Variants in RFX7 observed in about 807,000 individuals in gnomAD.
RFX7 encodes DNA-binding protein RFX7.
In RFX7, 26 loss-of-function variants were observed where a neutral mutation model predicts 111.8. The ratio of observed to expected loss-of-function variants is 0.23; its 90% CI spans 0.17 to 0.32. The LOEUF (loss-of-function observed/expected upper bound fraction) is 0.32. Among genes scored for constraint, RFX7 ranks in the 10% least tolerant of loss-of-function variants. The probability of loss-of-function intolerance (pLI) is 1.00; values close to 1 mark genes in which losing one functional copy is unlikely to be tolerated. For missense variants in RFX7, 1,573 were observed against 1,772.9 expected, an observed-to-expected ratio of 0.89 and a Z score of 2.02; for synonymous variants, 624 against 624.4, an observed-to-expected ratio of 1.00 and a Z score of 0.01.
At chr15:56,192,607 C>T (rs1479600627) in intron 2 of RFX7, 1 of 173,426 alleles carries the variant, frequency 5.8e-6, no homozygotes, top group Non-Finnish European at 1.3e-5. Context: ...CTGACTGCTT[C>T]CATGAGGTGT....
chr15:56,164,709 AT>A (rs1184671179), intron 3 of RFX7, among the ~76,000 whole-genome samples: 15 of 151,706 alleles, frequency 9.9e-5, no homozygotes, highest in Admixed American at 9.2e-4. Context: ...CTCTGCCGCG[AT>A]TTTTTTTCTT....
At chr15:56,192,486 G>A (rs528676099) in intron 2 of RFX7, 1 of 185,774 alleles carries the variant, frequency 5.4e-6, no homozygotes, top group Non-Finnish European at 1.2e-5. Flanking sequence ...GAACTGCACA[G>A]AATCCAGCCC....
intron 5 of RFX7, among the ~76,000 whole-genome samples, chr15:56,136,960 A>T (rs1286597368): frequency 6.7e-6 from 1 of 150,088 alleles, no homozygotes; most frequent in East Asian, 2.0e-4. Flanking sequence ...CATCCCAGGG[A>T]TGAAGCCCAC....
At chr15:56,125,575 T>C (rs1269682601) in intron 5 of RFX7, among the ~76,000 whole-genome samples, 1 of 151,130 alleles carries the variant, frequency 6.6e-6, no homozygotes, top group African/African-American at 2.4e-5. Flanking sequence ...GCATCCTTGG[T>C]TAAGCGTATT....
intron 5 of RFX7, among the ~76,000 whole-genome samples, chr15:56,128,826 TATA>T (rs2042177181): frequency 6.6e-6 from 1 of 151,990 alleles, no homozygotes; most frequent in Non-Finnish European, 1.5e-5. Context: ...CACTAAACCC[TATA>T]ATTAGAGCTA....
chr15:56,139,612 T>A (rs374554256), intron 5 of RFX7, among the ~76,000 whole-genome samples: 1 of 152,254 alleles, frequency 6.6e-6, no homozygotes, highest in Non-Finnish European at 1.5e-5. Context: ...TTCTTCTCTC[T>A]GCTCCTCAAA....
At chr15:56,105,618 CTGTGTTTCAGATTTTGAT>C (rs1229025043) in intron 5 of RFX7, among the ~76,000 whole-genome samples, 1 of 151,982 alleles carries the variant, frequency 6.6e-6, no homozygotes, top group Non-Finnish European at 1.5e-5. Flanking sequence ...TATTCTCCAT[CTGTGTTTCAGATTTTGAT>C]TTTTTTTTTC....
At chr15:56,160,245 T>C (rs1595977389) in intron 3 of RFX7, among the ~76,000 whole-genome samples, 1 of 152,142 alleles carries the variant, frequency 6.6e-6, no homozygotes, top group African/African-American at 2.4e-5. Context: ...TCCAAAGTAC[T>C]GGCCAGGTTG....
chr15:56,220,171 T>C (rs1351822994), intron 2 of RFX7, among the ~76,000 whole-genome samples: 1 of 152,204 alleles, frequency 6.6e-6, no homozygotes, highest in Non-Finnish European at 1.5e-5. Flanking sequence ...GCCATGTGAA[T>C]GTCTTCTTTT....
rs569414288 is a variant in RFX7, at chr15:56,148,424, C to T, written c.196-3941G>A. 2.0e-5 allele frequency among the ~76,000 whole-genome samples: 3 copies of T among 152,212 alleles called. No homozygotes were observed. In the East Asian group the frequency reaches 5.8e-4, roughly 29 times the overall value. On this transcript the variant is annotated intron_variant, in intron 3 of 9. Coordinates refer to ENST00000559447, the MANE Select transcript of RFX7 (RefSeq NM_022841.7). ...CCTTTCACATTCTGGACAGAAAAGCCTGTAGCAAACAATCAGATTCAACAT... is the reference window on the plus strand; with the variant it reads ...CCTTTCACATTCTGGACAGAAAAGCTTGTAGCAAACAATCAGATTCAACAT...
At chr15:56,125,512 CTTCT>C (rs1321075460) in intron 5 of RFX7, among the ~76,000 whole-genome samples, 1 of 151,588 alleles carries the variant, frequency 6.6e-6, no homozygotes. Context: ...TTATTTGTAT[CTTCT>C]TTAATTTCTT....
chr15:56,134,596 CTT>C (rs71706654), intron 5 of RFX7, among the ~76,000 whole-genome samples: 48,213 of 132,582 alleles, frequency 0.36, 8,314 homozygotes, highest in East Asian at 0.42. Flanking sequence ...AAATCACTTT[CTT>C]TTTTTTTTTT....
At chr15:56,133,521 G>T (rs1382220189) in intron 5 of RFX7, among the ~76,000 whole-genome samples, 1 of 152,038 alleles carries the variant, frequency 6.6e-6, no homozygotes, top group Non-Finnish European at 1.5e-5. Flanking sequence ...TGAGAACACA[G>T]AATGATCAGT....
chr15:56,212,010 G>A (rs2043317449), intron 2 of RFX7, among the ~76,000 whole-genome samples: 1 of 152,012 alleles, frequency 6.6e-6, no homozygotes, highest in Admixed American at 6.6e-5. Flanking sequence ...TGCACTTCAT[G>A]AAATTTACTC....
intron 2 of RFX7, among the ~76,000 whole-genome samples, chr15:56,241,321 C>T (rs72740509): frequency 0.13 from 19,798 of 152,046 alleles, 1,689 homozygotes; most frequent in East Asian, 0.44. Flanking sequence ...AAAAAGTGCA[C>T]TCGACTATCA....
chr15:56,095,030 T>C lies in RFX7; in HGVS notation c.2698A>G (p.Met900Val). The change falls in exon 10 of 10, where the codon ATG becomes GTG. Residue 900 changes from methionine to valine, a missense_variant. Physicochemically the swap from Met to Val is conservative, Grantham distance 21. Transcript: ENST00000559447. Reference protein sequence around the residue: ...ELVLMEQQMSMNNSHSYGNCL... With the variant: ...ELVLMEQQMSVNNSHSYGNCL... Reference sequence around the variant, plus strand: ...TTGCCGTAAGAATGAGAATTGTTCATTGACATTTGCTGCTCCATAAGCACC... The same window carrying C: ...TTGCCGTAAGAATGAGAATTGTTCACTGACATTTGCTGCTCCATAAGCACC... 6.2e-7 allele frequency: 1 copy of C among 1,613,964 alleles called. No individual in the cohort carries two copies.
chr15:56,164,682 C>A (rs1455669821), intron 3 of RFX7, among the ~76,000 whole-genome samples: 1 of 152,162 alleles, frequency 6.6e-6, no homozygotes. Flanking sequence ...GGATTTTTCA[C>A]ATGGGGTAGT....
chr15:56,242,977 T>C lies in RFX7; in HGVS notation c.161+148A>G, dbSNP rs2043721866. ...TGCAAAGTCCGCACACCTCCAGAGATCCTACAAATGTGCACCCGACTGGGG... is the reference window on the plus strand; with the variant it reads ...TGCAAAGTCCGCACACCTCCAGAGACCCTACAAATGTGCACCCGACTGGGG... On this transcript the variant is annotated intron_variant, in intron 2 of 9. Transcript: ENST00000559447. The C allele has an allele frequency of 1.1e-5, 6 of 560,102 alleles. No individual in the cohort carries two copies. In the Admixed American group the frequency reaches 1.8e-4, roughly 17 times the overall value. 34.7% of individuals were successfully genotyped at this position (560,102 alleles called of 1,614,324 possible). A position where few individuals can be genotyped will look rare whatever the true frequency, so the allele number is the denominator to read the frequency against.
intron 2 of RFX7, among the ~76,000 whole-genome samples, chr15:56,179,764 A>C (rs1266991252): frequency 7.6e-4 from 6 of 7,848 alleles, no homozygotes; most frequent in African/African-American, 1.3e-3. Flanking sequence ...CTGTCTCAAC[A>C]CACACACACA....
Sources: allele counts gnomAD v4.1 joint callset (sites outside exome capture counted in the v4.1 genomes callset), GRCh38; gene constraint gnomAD v4.1.1; transcripts MANE v1.5; gene names NCBI Gene and HGNC (gene_info 2026-07-23, HGNC 2026-07-21).